The following NEDD4L variants were observed in gnomAD, a reference collection of about 807,000 sequenced individuals.
NEDD4L encodes the protein NEDD4 like E3 ubiquitin protein ligase, also known as E3 ubiquitin-protein ligase NEDD4-like.
Under a neutral mutation model 148.9 loss-of-function variants are expected in NEDD4L, and 54 were observed. That is an observed-to-expected ratio of 0.36 (90% CI 0.29 to 0.45). The LOEUF (loss-of-function observed/expected upper bound fraction) is 0.45. NEDD4L is among the 20% of genes least tolerant of loss of function. The pLI, the probability that NEDD4L is intolerant of heterozygous loss-of-function variation, is 1.00. For synonymous variants in NEDD4L, 433 were observed against 440.7 expected, an observed-to-expected ratio of 0.98 and a Z score of 0.22; for missense variants, 856 against 1,233.8, an observed-to-expected ratio of 0.69 and a Z score of 4.59.
intron 1 of NEDD4L, among the ~76,000 whole-genome samples, chr18:58,099,627 C>T (rs1327330353): frequency 6.6e-6 from 1 of 152,174 alleles, no homozygotes; most frequent in Admixed American, 6.5e-5. Context: ...TGAATGCATG[C>T]ATTAAACACA....
intron 5 of NEDD4L, among the ~76,000 whole-genome samples, chr18:58,304,734 G>T (rs144757962): frequency 1.3e-5 from 2 of 152,318 alleles, no homozygotes; most frequent in Non-Finnish European, 2.9e-5. Flanking sequence ...AACCCATTAT[G>T]TAGTTAGCTC....
At chr18:58,331,062 A>C (rs1239608712) in intron 11 of NEDD4L, 148 bp downstream of exon 11, 1 of 751,768 alleles carries the variant, frequency 1.3e-6, no homozygotes, top group Non-Finnish European at 2.1e-6. Flanking sequence ...CTTCCCTAGG[A>C]GAAGCAGGAC....
At chr18:58,120,373 T>TA (rs1449584348) in intron 1 of NEDD4L, among the ~76,000 whole-genome samples, 3 of 152,212 alleles carry the variant, frequency 2.0e-5, no homozygotes, top group African/African-American at 7.2e-5. Context: ...ACGATGAGGT[T>TA]AATTACAGTT....
chr18:58,091,770 C>T (rs948116580), intron 1 of NEDD4L: 5 of 152,266 alleles, frequency 3.3e-5, no homozygotes. Flanking sequence ...GCTTTCTTAA[C>T]TGCTGTGATC....
chr18:58,046,543 A>G (rs1295934850), intron 1 of NEDD4L: 1 of 152,234 alleles, frequency 6.6e-6, no homozygotes, highest in Admixed American at 6.5e-5. Flanking sequence ...TAAATGAAAC[A>G]CGTTAATGTC....
At chr18:58,127,617 A>C (rs2031356257) in intron 1 of NEDD4L, among the ~76,000 whole-genome samples, 1 of 152,022 alleles carries the variant, frequency 6.6e-6, no homozygotes, top group Non-Finnish European at 1.5e-5. Flanking sequence ...AGGCAGGCGG[A>C]TCACGAGGTC....
intron 1 of NEDD4L, among the ~76,000 whole-genome samples, chr18:58,115,828 A>G (rs185933036): frequency 6.6e-6 from 1 of 152,240 alleles, no homozygotes; most frequent in African/African-American, 2.4e-5. Context: ...CAAACTTGAC[A>G]TTATAGATCT....
At chr18:58,149,599 T>G in intron 1 of NEDD4L, 1 of 1,357,354 alleles carries the variant, frequency 7.4e-7, no homozygotes, top group South Asian at 1.2e-5. Context: ...GGGAGGAGGT[T>G]TTACCTTCCT....
At chr18:58,114,485 G>A (rs979134657) in intron 1 of NEDD4L, among the ~76,000 whole-genome samples, 4 of 152,106 alleles carry the variant, frequency 2.6e-5, no homozygotes, top group African/African-American at 4.8e-5. Context: ...ATCTTTTACC[G>A]TCTTGCTTTT....
chr18:58,159,854 C>T (rs956414111), intron 1 of NEDD4L, among the ~76,000 whole-genome samples: 1 of 152,146 alleles, frequency 6.6e-6, no homozygotes, highest in Non-Finnish European at 1.5e-5. Flanking sequence ...AAGGTAAATA[C>T]ATGAATTAAT....
intron 1 of NEDD4L, among the ~76,000 whole-genome samples, chr18:58,077,759 T>C (rs950553243): frequency 2.0e-5 from 3 of 152,204 alleles, no homozygotes; most frequent in Non-Finnish European, 2.9e-5. Context: ...TGGGCAGTTA[T>C]CTTTAACCTG....
Position 58,390,160 on chromosome 18 carries a change from A to G in NEDD4L, c.2656-486A>G, listed in dbSNP as rs182892882. ...ATAATAATGCAGATATGTAAGATAC[A>G]CAGATTATTTTAGAACCCCATCTTT... On this transcript the variant is annotated intron_variant, in intron 28 of 30. Coordinates refer to ENST00000400345, the MANE Select transcript of NEDD4L (RefSeq NM_001144967.3). 2.6e-5 allele frequency: 4 copies of G among 153,830 alleles called. 1 individual carries two copies. The highest frequency in any genetic ancestry group is 2.6e-4 in the Admixed American group (4 of 15,584). 9.5% of individuals were successfully genotyped at this position (153,830 alleles called of 1,614,324 possible). A position where few individuals can be genotyped will look rare whatever the true frequency, so the allele number is the denominator to read the frequency against.
At chr18:58,133,817 C>A (rs570237945) in intron 1 of NEDD4L, among the ~76,000 whole-genome samples, 46 of 152,180 alleles carry the variant, frequency 3.0e-4, no homozygotes, top group African/African-American at 1.1e-3. Context: ...ATGGTAGATG[C>A]TCAAGCCAGT....
rs1303321403 is a variant in NEDD4L, at chr18:58,353,455, A to G, written c.1708+2410A>G. On this transcript the variant is annotated intron_variant, in intron 18 of 30. Transcript: ENST00000400345. The stretch of plus-strand genomic sequence containing the variant: ...GAGATATAGCATAAATTAAGTGACC[A>G]AAAACCATTTAAGAAAAGGATTTGT... 2.0e-5 allele frequency among the ~76,000 whole-genome samples: 3 copies of G among 152,260 alleles called. 1 individual carries two copies. In the East Asian group the frequency reaches 5.8e-4, roughly 29 times the overall value.
chr18:58,075,734 T>C (rs1332716226), intron 1 of NEDD4L, among the ~76,000 whole-genome samples: 2 of 152,188 alleles, frequency 1.3e-5, no homozygotes, highest in Non-Finnish European at 2.9e-5. Flanking sequence ...GAGACCAGCC[T>C]GGGCTAACAT....
chr18:58,238,805 A>G (rs1373269429), intron 2 of NEDD4L, among the ~76,000 whole-genome samples: 2 of 152,210 alleles, frequency 1.3e-5, no homozygotes, highest in African/African-American at 4.8e-5. Context: ...TATAATAATT[A>G]TTCCTTCCAG....
intron 5 of NEDD4L, among the ~76,000 whole-genome samples, chr18:58,311,429 A>G (rs1473842828): frequency 6.6e-6 from 1 of 152,190 alleles, no homozygotes; most frequent in Non-Finnish European, 1.5e-5. Flanking sequence ...TGGCACGATC[A>G]TAGCTCCTTG....
intron 9 of NEDD4L, among the ~76,000 whole-genome samples, chr18:58,326,075 A>G (rs12150766): frequency 0.015 from 2,357 of 152,298 alleles, 57 homozygotes; most frequent in African/African-American, 0.051. Context: ...GTGGCTAATG[A>G]TACATTTTAG....
chr18:58,250,312 G>A (rs1378139201), intron 4 of NEDD4L, among the ~76,000 whole-genome samples: 1 of 152,022 alleles, frequency 6.6e-6, no homozygotes, highest in Non-Finnish European at 1.5e-5. Context: ...ACCACGCCTG[G>A]CTAATTTTTG....
Sources: gnomAD v4.1 joint callset for allele counts (sites outside exome capture counted in the v4.1 genomes callset) on GRCh38, gnomAD v4.1.1 for gene constraint, MANE v1.5 for transcripts, NCBI Gene and HGNC (gene_info 2026-07-23, HGNC 2026-07-21) for gene names.